IFT52: variants seen among roughly 807,000 people sequenced by gnomAD.
IFT52 encodes the protein intraflagellar transport protein 52 homolog.
Under a neutral mutation model 54.4 loss-of-function variants are expected in IFT52, and 44 were observed. That is an observed-to-expected ratio of 0.81 (90% CI 0.63 to 1.04). The LOEUF is 1.04. Among genes scored for constraint, IFT52 ranks in the 50% least tolerant of loss-of-function variants. The pLI, the probability that IFT52 is intolerant of heterozygous loss-of-function variation, is 0.00. For missense variants in IFT52, 452 were observed against 523.6 expected (o/e 0.86, Z 1.33); for synonymous variants, 181 against 185.3 (o/e 0.98, Z 0.19).
chr20:43,622,321 G>A lies in IFT52; in HGVS notation c.768+1396G>A, dbSNP rs997726819. Among the ~76,000 whole-genome samples, 9 of 152,202 alleles carry A rather than the reference G, an allele frequency of 5.9e-5. 1 individual carries two copies. The highest frequency in any genetic ancestry group is 9.6e-5 in the African/African-American group (4 of 41,518). On this transcript the variant is annotated intron_variant, in intron 9 of 13. Transcript: ENST00000373030. ...GTAATATATTTAACCACTCTCGGCC[G>A]GGCGCGGTGGCTCACGCCTGTAATC...
At chr20:43,595,872 G>C (rs1166448448) in intron 2 of IFT52, among the ~76,000 whole-genome samples, 1 of 152,078 alleles carries the variant, frequency 6.6e-6, no homozygotes, top group East Asian at 1.9e-4. Context: ...GGGAAACAGA[G>C]GGAGACTCTG....
chr20:43,635,187 G>GA (rs111707040), intron 10 of IFT52, among the ~76,000 whole-genome samples: 13 of 144,072 alleles, frequency 9.0e-5, no homozygotes, highest in African/African-American at 1.8e-4. Flanking sequence ...GAGAGAGAGA[G>GA]AAAAAAAAAA....
intron 1 of IFT52, among the ~76,000 whole-genome samples, chr20:43,594,370 G>A (rs1310183270): frequency 1.3e-5 from 2 of 152,108 alleles, no homozygotes; most frequent in East Asian, 3.9e-4. Flanking sequence ...TAGCAGTAAT[G>A]AATCAGGATG....
At chr20:43,600,526 G>C (rs576073886) in intron 3 of IFT52, among the ~76,000 whole-genome samples, 4 of 151,924 alleles carry the variant, frequency 2.6e-5, no homozygotes, top group Non-Finnish European at 5.9e-5. Flanking sequence ...GGGTGATCTC[G>C]ATCTCCTGGC....
intron 7 of IFT52, among the ~76,000 whole-genome samples, chr20:43,615,029 G>A (rs1983752617): frequency 6.6e-6 from 1 of 151,732 alleles, no homozygotes; most frequent in Admixed American, 6.6e-5. Flanking sequence ...GGCTGATCTC[G>A]AACTCCTGAC....
At chr20:43,613,194 A>G (rs1344575777) in intron 6 of IFT52, among the ~76,000 whole-genome samples, 1 of 152,190 alleles carries the variant, frequency 6.6e-6, no homozygotes, top group Non-Finnish European at 1.5e-5. Context: ...CCAGTGATAT[A>G]CATTAATTCT....
intron 10 of IFT52, among the ~76,000 whole-genome samples, chr20:43,631,178 C>T (rs916535499): frequency 6.6e-6 from 1 of 152,158 alleles, no homozygotes; most frequent in African/African-American, 2.4e-5. Context: ...TTTGGGGAAG[C>T]TACTGTTTAT....
intron 6 of IFT52, among the ~76,000 whole-genome samples, chr20:43,609,809 C>T (rs1601040517): frequency 7.1e-6 from 1 of 140,668 alleles, no homozygotes. Context: ...ATTAGCCTGT[C>T]GTGGTGGTGC....
At chr20:43,609,118 C>T (rs1466247010) in intron 6 of IFT52, among the ~76,000 whole-genome samples, 1 of 150,500 alleles carries the variant, frequency 6.6e-6, no homozygotes, top group African/African-American at 2.4e-5. Context: ...GGCACACACC[C>T]ATAGGCCCAG....
intron 2 of IFT52, among the ~76,000 whole-genome samples, chr20:43,595,534 C>T (rs565833467): frequency 1.5e-4 from 22 of 150,832 alleles, no homozygotes; most frequent in South Asian, 1.1e-3. Flanking sequence ...GGTGACAGAG[C>T]GAGACTCTGT....
At chr20:43,603,684 G>GT in intron 3 of IFT52, 76 bp from the exon 4 acceptor site, 1 of 1,318,956 alleles carries the variant, frequency 7.6e-7, no homozygotes, top group South Asian at 1.3e-5. Flanking sequence ...TTTTCATCTA[G>GT]TTAAGGTCTT....
intron 3 of IFT52, among the ~76,000 whole-genome samples, chr20:43,601,265 G>A (rs1209079467): frequency 6.6e-6 from 1 of 152,048 alleles, no homozygotes; most frequent in African/African-American, 2.4e-5. Context: ...CACTGGCCTG[G>A]ATCATCCAGT....
intron 6 of IFT52, among the ~76,000 whole-genome samples, chr20:43,606,485 G>A (rs1982893810): frequency 1.3e-5 from 2 of 151,950 alleles, no homozygotes; most frequent in Admixed American, 1.3e-4. Flanking sequence ...TGTTGGTCAG[G>A]CTGGTCTTGA....
chr20:43,638,326 G>A (rs1985685975), intron 12 of IFT52, among the ~76,000 whole-genome samples: 1 of 151,990 alleles, frequency 6.6e-6, no homozygotes, highest in Non-Finnish European at 1.5e-5. Flanking sequence ...AAGTAGCTGG[G>A]ATTACAGTTG....
chr20:43,608,634 G>A (rs1023295713), intron 6 of IFT52, among the ~76,000 whole-genome samples: 13 of 152,206 alleles, frequency 8.5e-5, no homozygotes, highest in African/African-American at 2.9e-4. Flanking sequence ...TCCGGGTACC[G>A]TGGCTCACCC....
At chr20:43,640,395 G>A (rs143492260) in intron 12 of IFT52, among the ~76,000 whole-genome samples, 1 of 152,250 alleles carries the variant, frequency 6.6e-6, no homozygotes, top group African/African-American at 2.4e-5. Flanking sequence ...GGGAGGTGGA[G>A]GTTGCAGTAA....
chr20:43,616,848 T>C (rs573391609), intron 7 of IFT52, among the ~76,000 whole-genome samples: 12 of 152,118 alleles, frequency 7.9e-5, no homozygotes, highest in African/African-American at 2.9e-4. Flanking sequence ...TAGTAAGACC[T>C]GTCTCTACGA....
chr20:43,623,264 A>T (rs1011948474), intron 9 of IFT52, among the ~76,000 whole-genome samples: 1 of 152,166 alleles, frequency 6.6e-6, no homozygotes, highest in African/African-American at 2.4e-5. Context: ...GGCTCACTGC[A>T]GTGTTGACCT....
At chr20:43,598,066 A>C (rs1601022192) in intron 3 of IFT52, among the ~76,000 whole-genome samples, 1 of 152,196 alleles carries the variant, frequency 6.6e-6, no homozygotes, top group East Asian at 1.9e-4. Flanking sequence ...AGATGAGTAG[A>C]TAAGATATGG....
Sources: gnomAD v4.1 joint callset for allele counts (sites outside exome capture counted in the v4.1 genomes callset) on GRCh38, gnomAD v4.1.1 for gene constraint, MANE v1.5 for transcripts, NCBI Gene and HGNC (gene_info 2026-07-23, HGNC 2026-07-21) for gene names.